The following ANKRD36 variants were observed in gnomAD, a reference collection of about 807,000 sequenced individuals.
ANKRD36 encodes the protein ankyrin repeat domain 36, also known as ankyrin repeat domain-containing protein 36A.
Under a neutral mutation model 278.1 loss-of-function variants are expected in ANKRD36, and 179 were observed. The observed-to-expected ratio is 0.64, with a 90% CI of 0.57 to 0.73. The LOEUF (loss-of-function observed/expected upper bound fraction) is 0.73. Among genes scored for constraint, ANKRD36 ranks in the 30% least tolerant of loss-of-function variants. The probability of loss-of-function intolerance (pLI) is 0.00; values close to 1 mark genes in which losing one functional copy is unlikely to be tolerated. For synonymous variants in ANKRD36, 320 were observed against 641.1 expected (o/e 0.50, Z 7.57); for missense variants, 1,159 against 1,956.7 (o/e 0.59, Z 7.69).
At chr2:97,193,134 C>T in intron 38 of ANKRD36, 81 bp downstream of exon 38, 1 of 1,301,686 alleles carries the variant, frequency 7.7e-7, no homozygotes, top group Non-Finnish European at 1.0e-6. Flanking sequence ...CAGCGGGGGG[C>T]TCGTTGAAGC....
chr2:97,202,147 G>T, intron 46 of ANKRD36, 55 bp from the exon 47 acceptor site: 1 of 1,604,208 alleles, frequency 6.2e-7, no homozygotes, highest in Non-Finnish European at 8.5e-7. Context: ...TCGAATGTAT[G>T]GAAATCTTTG....
chr2:97,202,524 T>C, intron 48 of ANKRD36, 131 bp downstream of exon 48: 1 of 1,413,656 alleles, frequency 7.1e-7, no homozygotes. Context: ...TCTTCATTTG[T>C]AGTAAGTTCT....
At chr2:97,180,020 C>A (rs2055673798) in intron 24 of ANKRD36, 87 bp downstream of exon 24, 1 of 1,572,578 alleles carries the variant, frequency 6.4e-7, no homozygotes, top group Non-Finnish European at 8.6e-7. Context: ...GGGAGTCCAT[C>A]TAAGCTGCAC....
At chr2:97,188,000 C>T (rs1172493850) in intron 32 of ANKRD36, among the ~76,000 whole-genome samples, 1 of 151,648 alleles carries the variant, frequency 6.6e-6, no homozygotes, top group East Asian at 2.0e-4. Flanking sequence ...ATTTTGGCAG[C>T]TCCAGGAATT....
At chr2:97,170,875 C>G (rs1346261164) in intron 22 of ANKRD36, among the ~76,000 whole-genome samples, 3 of 148,910 alleles carry the variant, frequency 2.0e-5, no homozygotes, top group Non-Finnish European at 3.0e-5. Flanking sequence ...ACAACCCCAT[C>G]AAAAAGTGGG....
intron 6 of ANKRD36, among the ~76,000 whole-genome samples, chr2:97,138,062 C>T (rs2041979196): frequency 6.6e-6 from 1 of 152,020 alleles, no homozygotes; most frequent in South Asian, 2.1e-4. Flanking sequence ...GTTGCCTGTT[C>T]ACTCTGATCA....
Position 97,219,198 on chromosome 2 carries a change from G to A in ANKRD36, c.3829G>A (p.Val1277Ile), listed in dbSNP as rs751922494. The change falls in exon 66 of 76, where the codon GTT becomes ATT. Residue 1277 changes from valine to isoleucine, a missense_variant. Val to Ile is a conservative substitution (Grantham distance 29). Coordinates refer to ENST00000420699, the MANE Select transcript of ANKRD36 (RefSeq NM_001354587.1). ...GGCTACAATTGAAAATAAAAATTCT[G>A]TTCTGAATACAGCCACCAAAATGAA... Reference protein sequence around the residue: ...LKATIENKNSVLNTATKMKDV... With the variant: ...LKATIENKNSILNTATKMKDV... The A allele has an allele frequency of 2.6e-6, 4 of 1,568,396 alleles. No homozygotes were observed. The Admixed American group carries it at 5.7e-5, about 22-fold the overall frequency.
intron 17 of ANKRD36, among the ~76,000 whole-genome samples, chr2:97,159,839 G>A (rs2048406322): frequency 1.3e-5 from 2 of 151,856 alleles, no homozygotes; most frequent in South Asian, 4.2e-4. Flanking sequence ...CTGGAGGGCA[G>A]TGGGCGATCT....
chr2:97,143,697 T>C (rs970526864), intron 8 of ANKRD36, among the ~76,000 whole-genome samples: 4 of 152,280 alleles, frequency 2.6e-5, no homozygotes, highest in African/African-American at 9.6e-5. Context: ...ATTCATTAAT[T>C]GACTCCTAAA....
rs1249284428 is a variant in ANKRD36, at chr2:97,198,355, A to G, written c.2654-108A>G. The stretch of plus-strand genomic sequence containing the variant: ...CACAAAGTAGAAGCCATCAAAGCGT[A>G]CACTAATACAGGCAGGAGGACAGAG... On this transcript the variant is annotated intron_variant, in intron 42 of 75. Transcript: ENST00000420699. The G allele has an allele frequency of 2.6e-6, 4 of 1,538,950 alleles. No homozygotes were observed. The African/African-American group carries it at 4.1e-5, about 16-fold the overall frequency.
At chr2:97,226,495 G>C (rs1209362032) in intron 67 of ANKRD36, among the ~76,000 whole-genome samples, 1 of 150,532 alleles carries the variant, frequency 6.6e-6, no homozygotes, top group Non-Finnish European at 1.5e-5. Flanking sequence ...TTGTAAATTT[G>C]TTTGGGTTCA....
chr2:97,211,403 G>A lies in ANKRD36; in HGVS notation c.3368-143G>A, dbSNP rs897861636. On this transcript the variant is annotated intron_variant, in intron 56 of 75. Transcript: ENST00000420699. ...TTTCAGTGTATTTCTGTCATGTTCTGGTCCCCAGACACAAAGTAGAAGCCG... is the reference window on the plus strand; with the variant it reads ...TTTCAGTGTATTTCTGTCATGTTCTAGTCCCCAGACACAAAGTAGAAGCCG... The A allele has an allele frequency of 6.8e-6, 9 of 1,321,796 alleles. No individual in the cohort carries two copies. The Admixed American group carries it at 8.9e-5, about 13-fold the overall frequency. The allele number at this position is 1,321,796 out of a possible 1,614,324, so 81.9% of individuals were successfully genotyped here. A position where few individuals can be genotyped will look rare whatever the true frequency, so the allele number is the denominator to read the frequency against.
chr2:97,202,958 A>G lies in ANKRD36; in HGVS notation c.2959+565A>G, dbSNP rs375944984. Among the ~76,000 whole-genome samples the G allele has an allele frequency of 6.6e-5, 10 of 151,898 alleles. No individual in the cohort carries two copies. The East Asian group carries it at 1.8e-3, about 27-fold the overall frequency. On this transcript the variant is annotated intron_variant, in intron 48 of 75. Coordinates refer to ENST00000420699, the MANE Select transcript of ANKRD36 (RefSeq NM_001354587.1). ...TCAGATGCATTTGGAATATTTTAAT[A>G]AAAAATACTTGATTTTGGCTGCTGC...
chr2:97,133,559 T>TA (rs2040709412), intron 6 of ANKRD36, among the ~76,000 whole-genome samples: 1 of 151,998 alleles, frequency 6.6e-6, no homozygotes, highest in Non-Finnish European at 1.5e-5. Context: ...TTATGAAATT[T>TA]AAAAAATCAA....
chr2:97,199,711 A>G (rs2060779428), intron 44 of ANKRD36, among the ~76,000 whole-genome samples: 1 of 151,916 alleles, frequency 6.6e-6, no homozygotes, highest in South Asian at 2.1e-4. Flanking sequence ...AGGGTAAACT[A>G]GTGGATACAA....
chr2:97,191,232 A>T, intron 36 of ANKRD36, 51 bp downstream of exon 36: 1 of 1,502,008 alleles, frequency 6.7e-7, no homozygotes. Flanking sequence ...ATAGATAAGA[A>T]TTTCTCTTTC....
rs2055597093 is a variant in ANKRD36, at chr2:97,179,822, A to G, written c.1663-39A>G. The G allele has an allele frequency of 1.9e-6, 3 of 1,600,294 alleles. No homozygotes were observed. In the South Asian group the frequency reaches 3.3e-5, roughly 18 times the overall value. ...ATTAACTGTATAGTCTATGAAACCT[A>G]CTTTACATATTGATTATTTTGCTTC... On this transcript the variant is annotated intron_variant, in intron 23 of 75. Coordinates refer to ENST00000420699, the MANE Select transcript of ANKRD36 (RefSeq NM_001354587.1).
At chr2:97,194,474 G>GTTTTA (rs2059228300) in intron 38 of ANKRD36, among the ~76,000 whole-genome samples, 1 of 151,530 alleles carries the variant, frequency 6.6e-6, no homozygotes, top group Non-Finnish European at 1.5e-5. Context: ...GATTGACACG[G>GTTTTA]TTTTATTTTA....
chr2:97,172,288 A>C (rs1429602722), intron 22 of ANKRD36, among the ~76,000 whole-genome samples: 1 of 151,882 alleles, frequency 6.6e-6, no homozygotes, highest in Admixed American at 6.6e-5. Context: ...AATCAGTGAT[A>C]TATATTTCAG....
Sources: allele counts gnomAD v4.1 joint callset (sites outside exome capture counted in the v4.1 genomes callset), GRCh38; gene constraint gnomAD v4.1.1; transcripts MANE v1.5; gene names NCBI Gene and HGNC (gene_info 2026-07-23, HGNC 2026-07-21).